Variants in HEATR5B observed in about 807,000 individuals in gnomAD.
HEATR5B encodes HEAT repeat-containing protein 5B.
Under a neutral mutation model 224.1 loss-of-function variants are expected in HEATR5B, and 156 were observed. The observed-to-expected ratio is 0.70, with a 90% CI of 0.61 to 0.80. The LOEUF (loss-of-function observed/expected upper bound fraction) is 0.80. Among genes scored for constraint, HEATR5B ranks in the 30% least tolerant of loss-of-function variants. The pLI is 0.00. For missense variants in HEATR5B, 2,323 were observed against 2,535.5 expected, an observed-to-expected ratio of 0.92 and a Z score of 1.80; for synonymous variants, 1,027 against 893.0, an observed-to-expected ratio of 1.15 and a Z score of -2.68.
At chr2:37,020,967 A>G in intron 24 of HEATR5B, 131 bp from the exon 25 acceptor site, 1 of 585,588 alleles carries the variant, frequency 1.7e-6, no homozygotes. Flanking sequence ...AAAATAGCAA[A>G]GATATTATAT....
At position 37,069,096 on chromosome 2, in the gene HEATR5B, C is replaced by T. The variant is rs116041904; in HGVS notation, c.928-166G>A. 6.6e-3 allele frequency among the ~76,000 whole-genome samples: 999 copies of T among 152,172 alleles called. 16 individuals carry two copies. Among genetic ancestry groups the T allele is most frequent in the African/African-American group, 0.023 (963 of 41,508 alleles). ...AGGTCTTTTTACTACTTCTGGAATA[C>T]GAATTATTAGTGAAGTATCTTTGAC... On this transcript the variant is annotated intron_variant, in intron 7 of 35. Coordinates refer to ENST00000233099, the MANE Select transcript of HEATR5B (RefSeq NM_019024.3).
intron 16 of HEATR5B, among the ~76,000 whole-genome samples, chr2:37,055,643 T>G (rs1476211973): frequency 6.6e-6 from 1 of 152,220 alleles, no homozygotes; most frequent in African/African-American, 2.4e-5. Flanking sequence ...TTGTAATTTT[T>G]GTAGAGATGA....
In HEATR5B at chr2:37,047,536, C is replaced by G. The variant is rs562535155; in HGVS notation, c.2696+2117G>C. Among the ~76,000 whole-genome samples, 13 of 152,276 alleles carry G rather than the reference C, an allele frequency of 8.5e-5. No homozygotes were observed. The South Asian group carries it at 1.9e-3, about 22-fold the overall frequency. On this transcript the variant is annotated intron_variant, in intron 18 of 35. Coordinates refer to ENST00000233099, the MANE Select transcript of HEATR5B (RefSeq NM_019024.3). ...ATAAGAATATACATTTCTCAGAGGT[C>G]TCAAAGTGACTTTCAATTGAATGGA...
At chr2:37,033,568 T>C (rs1400491059) in intron 21 of HEATR5B, among the ~76,000 whole-genome samples, 25 of 152,144 alleles carry the variant, frequency 1.6e-4, no homozygotes, top group Admixed American at 1.6e-3. Context: ...CCTGAAAAAA[T>C]TGCAAAATGG....
At chr2:37,027,154 G>GAGA (rs374274130) in intron 24 of HEATR5B, among the ~76,000 whole-genome samples, 40,343 of 152,046 alleles carry the variant, frequency 0.27, 5,694 homozygotes, top group Non-Finnish European at 0.3. Flanking sequence ...TATACACAAT[G>GAGA]AAATAACCCA....
chr2:37,027,068 G>A (rs1668825735), intron 24 of HEATR5B, among the ~76,000 whole-genome samples: 1 of 152,148 alleles, frequency 6.6e-6, no homozygotes, highest in Non-Finnish European at 1.5e-5. Flanking sequence ...CAAAGTGCTG[G>A]GATGTAATTA....
rs775849203 is a variant in HEATR5B at position 37,056,441 on chromosome 2, G to A, written c.2398C>T (p.Arg800Ter). ...TTACCTGATTGACTTTATACTAACCGGTGTTTATAAGAAACATGAGGAAAC... is the reference window on the plus strand; with the variant it reads ...TTACCTGATTGACTTTATACTAACCAGTGTTTATAAGAAACATGAGGAAAC... ...VVFPHVSYKHRLQMLDHFAEC... is the reference protein window; with the variant it reads ...VVFPHVSYKH Residue 800 changes from arginine to a stop codon, truncating the protein, a stop_gained and splice_region_variant, in exon 16 of 36, where the codon CGA (arginine) becomes TGA (stop). Transcript: ENST00000233099. LOFTEE classifies it high-confidence loss of function. 5.0e-6 allele frequency: 8 copies of A among 1,585,418 alleles called. No individual in the cohort carries two copies. Among genetic ancestry groups the A allele is most frequent in the African/African-American group, 1.4e-5 (1 of 73,066 alleles).
At chr2:36,994,793 C>A (rs1001101264) in intron 33 of HEATR5B, among the ~76,000 whole-genome samples, 12 of 152,264 alleles carry the variant, frequency 7.9e-5, no homozygotes, top group Admixed American at 2.0e-4. Context: ...GCTCTGTCGT[C>A]CAGGCTGGAG....
intron 9 of HEATR5B, 79 bp downstream of exon 9, chr2:37,065,676 T>C: frequency 1.7e-6 from 2 of 1,207,348 alleles, no homozygotes; most frequent in East Asian, 2.4e-5. Flanking sequence ...GATAAGCAAC[T>C]AATCAGGAAT....
At chr2:37,033,591 C>T (rs1476575209) in intron 21 of HEATR5B, among the ~76,000 whole-genome samples, 16 of 152,086 alleles carry the variant, frequency 1.1e-4, no homozygotes, top group Non-Finnish European at 1.5e-5. Flanking sequence ...CCTTTTGCCA[C>T]AGTATTTTTT....
chr2:37,008,998 AC>A, intron 27 of HEATR5B, 150 bp from the exon 28 acceptor site: 1 of 661,282 alleles, frequency 1.5e-6, no homozygotes, highest in Admixed American at 2.7e-5. Context: ...GGTGGCTCAC[AC>A]CTGTAATCCC....
chr2:37,077,404 G>T (rs2148604737), intron 3 of HEATR5B, among the ~76,000 whole-genome samples: 1 of 152,208 alleles, frequency 6.6e-6, no homozygotes, highest in Non-Finnish European at 1.5e-5. Context: ...TGCCTCCTGG[G>T]TTCAAGCCAT....
intron 21 of HEATR5B, 25 bp from the exon 22 acceptor site, chr2:37,032,798 G>T (rs202191912): frequency 6.9e-6 from 11 of 1,599,662 alleles, no homozygotes; most frequent in South Asian, 1.1e-5. Flanking sequence ...AATGTTAGGC[G>T]ATTTCTCTTT....
chr2:37,060,768 A>G lies in HEATR5B; in HGVS notation c.1697-35T>C, dbSNP rs201451572. On this transcript the variant is annotated intron_variant, in intron 11 of 35. Coordinates refer to ENST00000233099, the MANE Select transcript of HEATR5B (RefSeq NM_019024.3). ...AAAATGAGAATACAAAACCATGTAT[A>G]TGTAACATACCTTACAAACAAGTGT... The G allele has an allele frequency of 3.3e-4, 530 of 1,592,368 alleles. 4 individuals carry two copies. Among genetic ancestry groups the G allele is most frequent in the South Asian group, 2.6e-3 (228 of 89,034 alleles).
At chr2:37,041,857 T>C (rs1045786565) in intron 18 of HEATR5B, among the ~76,000 whole-genome samples, 1 of 151,690 alleles carries the variant, frequency 6.6e-6, no homozygotes, top group Non-Finnish European at 1.5e-5. Context: ...TAATATTAAT[T>C]ATTCCTTGAA....
chr2:37,083,866 A>G (rs1344273359), intron 1 of HEATR5B, among the ~76,000 whole-genome samples: 1 of 152,150 alleles, frequency 6.6e-6, no homozygotes, highest in Non-Finnish European at 1.5e-5. Flanking sequence ...ACCTGGCCAG[A>G]GGGACTGAGG....
At chr2:37,059,334 T>A (rs1671106513) in intron 12 of HEATR5B, among the ~76,000 whole-genome samples, 1 of 148,274 alleles carries the variant, frequency 6.7e-6, no homozygotes, top group Non-Finnish European at 1.5e-5. Flanking sequence ...GTATAAACAA[T>A]GCCTTAAAAT....
intron 21 of HEATR5B, among the ~76,000 whole-genome samples, 192 bp from the exon 22 acceptor site, chr2:37,032,965 C>T (rs1166616603): frequency 2.0e-5 from 3 of 151,676 alleles, no homozygotes; most frequent in Non-Finnish European, 4.4e-5. Flanking sequence ...ACTGCAACCT[C>T]CGCCTTCTGG....
At chr2:36,984,365 C>CA in intron 35 of HEATR5B, among the ~76,000 whole-genome samples, 1 of 151,098 alleles carries the variant, frequency 6.6e-6, no homozygotes, top group East Asian at 1.9e-4. Flanking sequence ...AAACAGTAGA[C>CA]AGCACATAGA....
Sources: allele counts gnomAD v4.1 joint callset (sites outside exome capture counted in the v4.1 genomes callset), GRCh38; gene constraint gnomAD v4.1.1; transcripts MANE v1.5; gene names NCBI Gene and HGNC (gene_info 2026-07-23, HGNC 2026-07-21).